Variants in PTPRN2 observed in about 807,000 individuals in gnomAD.
PTPRN2 encodes the protein receptor-type tyrosine-protein phosphatase N2.
Under a neutral mutation model 118.8 loss-of-function variants are expected in PTPRN2, and 74 were observed. The observed-to-expected ratio is 0.62, with a 90% CI of 0.52 to 0.76. PTPRN2 has a LOEUF of 0.76. PTPRN2 is among the 30% of genes least tolerant of loss of function. The probability of loss-of-function intolerance (pLI) is 0.00; values close to 1 mark genes in which losing one functional copy is unlikely to be tolerated. For missense variants in PTPRN2, 1,481 were observed against 1,394.4 expected (o/e 1.06, Z -0.99); for synonymous variants, 641 against 608.0 (o/e 1.05, Z -0.80).
At chr7:157,545,471 G>A (rs1048777291) in intron 22 of PTPRN2, among the ~76,000 whole-genome samples, 4 of 151,118 alleles carry the variant, frequency 2.6e-5, no homozygotes, top group African/African-American at 9.8e-5. Flanking sequence ...AGTGTCCCTG[G>A]CTGCGTGTGG....
At chr7:157,891,426 C>G (rs1796798091) in intron 12 of PTPRN2, among the ~76,000 whole-genome samples, 1 of 140,166 alleles carries the variant, frequency 7.1e-6, no homozygotes, top group Non-Finnish European at 1.6e-5. Context: ...GCCCCCCACC[C>G]CAGGTAACAA....
intron 20 of PTPRN2, among the ~76,000 whole-genome samples, chr7:157,569,171 A>G (rs1799639725): frequency 6.6e-6 from 1 of 152,266 alleles, no homozygotes. Flanking sequence ...CGAGCCTCTG[A>G]GCAGCTTGTA....
intron 21 of PTPRN2, among the ~76,000 whole-genome samples, chr7:157,562,896 TCCCGCA>T (rs1799271532): frequency 7.4e-6 from 1 of 135,514 alleles, no homozygotes; most frequent in African/African-American, 2.9e-5. Context: ...GACCACGTGC[TCCCGCA>T]TCACCACACA....
intron 3 of PTPRN2, among the ~76,000 whole-genome samples, chr7:158,252,188 G>A (rs1050619384): frequency 6.6e-5 from 10 of 152,142 alleles, no homozygotes; most frequent in African/African-American, 2.2e-4. Context: ...GGGTGGGAAC[G>A]CGAGAGCACT....
chr7:158,104,297 G>A (rs1815484882), intron 10 of PTPRN2, among the ~76,000 whole-genome samples: 2 of 152,206 alleles, frequency 1.3e-5, no homozygotes, highest in African/African-American at 4.8e-5. Context: ...GACAATGGAG[G>A]TCAGGTGAAT....
At chr7:158,494,756 C>A (rs1165160554) in intron 1 of PTPRN2, among the ~76,000 whole-genome samples, 2 of 152,184 alleles carry the variant, frequency 1.3e-5, no homozygotes, top group African/African-American at 2.4e-5. Context: ...CATGGAGATG[C>A]AGGTCTGTTG....
At chr7:157,621,031 A>G (rs1803162132) in intron 15 of PTPRN2, among the ~76,000 whole-genome samples, 1 of 147,390 alleles carries the variant, frequency 6.8e-6, no homozygotes, top group African/African-American at 2.6e-5. Flanking sequence ...CGGGACTGGT[A>G]TGTACAGGTC....
intron 21 of PTPRN2, among the ~76,000 whole-genome samples, chr7:157,562,322 A>C (rs1311766379): frequency 6.6e-6 from 1 of 152,176 alleles, no homozygotes; most frequent in Non-Finnish European, 1.5e-5. Flanking sequence ...GGCTGGGCCC[A>C]GGGAGATGAG....
intron 9 of PTPRN2, among the ~76,000 whole-genome samples, chr7:158,131,044 G>T (rs966640670): frequency 6.8e-6 from 1 of 146,874 alleles, no homozygotes; most frequent in Admixed American, 6.7e-5. Context: ...ATACACACAC[G>T]TACATACAGA....
At chr7:157,574,903 G>A (rs994558261) in intron 19 of PTPRN2, among the ~76,000 whole-genome samples, 4 of 152,242 alleles carry the variant, frequency 2.6e-5, no homozygotes, top group Non-Finnish European at 2.9e-5. Context: ...AACGCTGGGC[G>A]GTGCCAGGTA....
Position 157,944,476 on chromosome 7 carries a change from T to C in PTPRN2, c.1724-45739A>G, listed in dbSNP as rs971658845. 3.9e-5 allele frequency among the ~76,000 whole-genome samples: 6 copies of C among 152,258 alleles called. No homozygotes were observed. The highest frequency in any genetic ancestry group is 2.1e-4 in the South Asian group (1 of 4,834). On this transcript the variant is annotated intron_variant, in intron 11 of 22. Transcript: ENST00000389418. This position sits in a 1 kb window ranked among gnomAD's most constrained non-coding sequence, Gnocchi z 4.3. Reference sequence around the variant, plus strand: ...CCTAAGTTTGTGAGAAAAGGATCTATTGGAAAATTCTTCTTTTTAAAAAAG... The same window carrying C: ...CCTAAGTTTGTGAGAAAAGGATCTACTGGAAAATTCTTCTTTTTAAAAAAG...
rs183032193 is a variant in PTPRN2, at chr7:157,998,960, T to C, written c.1723+82338A>G. On this transcript the variant is annotated intron_variant, in intron 11 of 22. Transcript: ENST00000389418. ...TCATCTTTGTGCGGGGTGCGAGGCA[T>C]CCGGGGGCCAGGGGACTGTGAGCTG... Among the ~76,000 whole-genome samples the C allele has an allele frequency of 1.4e-4, 21 of 152,032 alleles. No individual in the cohort carries two copies. In the East Asian group the frequency reaches 1.7e-3, roughly 13 times the overall value.
rs1199565326 is a variant in PTPRN2, at chr7:158,171,284, T to C, written c.550-3993A>G. On this transcript the variant is annotated intron_variant, in intron 5 of 22. Transcript: ENST00000389418. ...ATATACACACATATATACACACATA[T>C]ATATACACACATATATATACACACA... Among the ~76,000 whole-genome samples the C allele has an allele frequency of 5.3e-4, 52 of 98,206 alleles. 4 individuals are homozygous for C. Among genetic ancestry groups the C allele is most frequent in the Non-Finnish European group, 9.4e-4 (50 of 52,936 alleles). 64.4% of individuals were successfully genotyped at this position (98,206 alleles called of 152,430 possible). A position where few individuals can be genotyped will look rare whatever the true frequency, so the allele number is the denominator to read the frequency against.
intron 13 of PTPRN2, among the ~76,000 whole-genome samples, chr7:157,668,860 G>C (rs1205676694): frequency 6.6e-6 from 1 of 152,214 alleles, no homozygotes; most frequent in Non-Finnish European, 1.5e-5. Flanking sequence ...GTTGTTAAAC[G>C]GGGTCATGTG....
At chr7:157,657,519 A>C (rs147337951) in intron 13 of PTPRN2, among the ~76,000 whole-genome samples, 3,713 of 6,998 alleles carry the variant, frequency 0.53, 1,482 homozygotes, top group Admixed American at 0.74. Context: ...ACACCACACA[A>C]ACCACACACA....
At chr7:158,150,550 GA>G (rs1820882504) in intron 6 of PTPRN2, among the ~76,000 whole-genome samples, 1 of 152,066 alleles carries the variant, frequency 6.6e-6, no homozygotes, top group Non-Finnish European at 1.5e-5. Context: ...CTGGAGCCCA[GA>G]AACAAGTGGG....
At chr7:158,576,163 G>A (rs1373611775) in intron 1 of PTPRN2, among the ~76,000 whole-genome samples, 4 of 152,142 alleles carry the variant, frequency 2.6e-5, no homozygotes, top group African/African-American at 9.7e-5. Flanking sequence ...GTGTCCCCTG[G>A]TGTGGTCACT....
At chr7:158,169,862 T>C (rs1823384754) in intron 5 of PTPRN2, among the ~76,000 whole-genome samples, 1 of 150,978 alleles carries the variant, frequency 6.6e-6, no homozygotes, top group Non-Finnish European at 1.5e-5. Context: ...CTGCTAATTT[T>C]TGTGTTTTTA....
At chr7:157,737,693 A>G (rs1386444699) in intron 12 of PTPRN2, among the ~76,000 whole-genome samples, 3 of 152,222 alleles carry the variant, frequency 2.0e-5, no homozygotes, top group African/African-American at 7.2e-5. Flanking sequence ...TGGGCGTGGC[A>G]GCCCCTCCAC....
Sources: allele counts gnomAD v4.1 joint callset (sites outside exome capture counted in the v4.1 genomes callset), GRCh38; gene constraint gnomAD v4.1.1; non-coding constraint Gnocchi (gnomAD v3.1); transcripts MANE v1.5; gene names NCBI Gene and HGNC (gene_info 2026-07-23, HGNC 2026-07-21).